BCO2: variants seen among roughly 807,000 people sequenced by gnomAD.
BCO2 encodes the protein beta-carotene oxygenase 2.
In BCO2, 56 loss-of-function variants were observed where a neutral mutation model predicts 65.8. The observed-to-expected ratio is 0.85, with a 90% CI of 0.69 to 1.06. The LOEUF (loss-of-function observed/expected upper bound fraction) is 1.06, where lower values mean the gene tolerates loss of function less well. BCO2 is among the 50% of genes least tolerant of loss of function. The pLI, the probability that BCO2 is intolerant of heterozygous loss-of-function variation, is 0.00. For missense variants in BCO2, 675 were observed against 698.5 expected, an observed-to-expected ratio of 0.97 and a Z score of 0.38; for synonymous variants, 233 against 242.3, an observed-to-expected ratio of 0.96 and a Z score of 0.36.
chr11:112,207,648 T>C (rs999211650), intron 8 of BCO2, among the ~76,000 whole-genome samples: 12 of 152,246 alleles, frequency 7.9e-5, no homozygotes, highest in Non-Finnish European at 2.9e-5. Flanking sequence ...CACGTTTTTG[T>C]AGAAATTTTA....
chr11:112,181,827 G>T, intron 2 of BCO2: 1 of 941,566 alleles, frequency 1.1e-6, no homozygotes. Context: ...CTGTAATCTT[G>T]CACATGCAAA....
chr11:112,191,933 C>T (rs2135366129), intron 2 of BCO2, among the ~76,000 whole-genome samples: 1 of 152,166 alleles, frequency 6.6e-6, no homozygotes. Context: ...ATACATATAA[C>T]ATAAAATTTA....
intron 4 of BCO2, chr11:112,194,385 A>T (rs1053571249): frequency 2.3e-6 from 1 of 440,792 alleles, no homozygotes; most frequent in African/African-American, 2.1e-5. Context: ...TTTAATTCTT[A>T]TGCTTCTTTT....
Position 112,179,459 on chromosome 11 carries a change from G to C in BCO2, c.270G>C (p.Gly90=). 5 of 1,614,152 alleles carry C rather than the reference G, an allele frequency of 3.1e-6. No individual in the cohort carries two copies. Among genetic ancestry groups the C allele is most frequent in the Non-Finnish European group, 4.2e-6 (5 of 1,180,028 alleles). The stretch of plus-strand genomic sequence containing the variant: ...GCTCTCTACTTCGAATTGGACCTGG[G>C]AAATTCGAGTTTGGGAAGGATAAGT... ...LNGSLLRIGP[G]KFEFGKDKYN... Residue 90 remains glycine (G), a synonymous_variant, in exon 2 of 12, where the codon GGG becomes GGC. Transcript: ENST00000357685.
At chr11:112,192,902 A>G (rs917855223) in intron 2 of BCO2, among the ~76,000 whole-genome samples, 10 of 76,926 alleles carry the variant, frequency 1.3e-4, no homozygotes, top group Admixed American at 4.8e-4. Flanking sequence ...ATTCACCACA[A>G]TAGGGGTTTT....
intron 10 of BCO2, chr11:112,216,005 G>C: frequency 1.8e-6 from 1 of 549,634 alleles, no homozygotes; most frequent in South Asian, 2.2e-5. Flanking sequence ...CAAGGGGATG[G>C]TGCTAAGCTA....
chr11:112,201,511 A>T (rs918454645), intron 7 of BCO2, among the ~76,000 whole-genome samples: 1 of 152,142 alleles, frequency 6.6e-6, no homozygotes, highest in Non-Finnish European at 1.5e-5. Flanking sequence ...ATGTTGATTG[A>T]ATATCTTTTT....
intron 1 of BCO2, among the ~76,000 whole-genome samples, chr11:112,178,229 A>T (rs1367338480): frequency 6.6e-6 from 1 of 152,106 alleles, no homozygotes; most frequent in Non-Finnish European, 1.5e-5. Flanking sequence ...TTTTCTTAGA[A>T]CTAGAGAAAA....
chr11:112,179,520 G>T, intron 2 of BCO2, 38 bp downstream of exon 2: 1 of 1,567,334 alleles, frequency 6.4e-7, no homozygotes. Context: ...GGATTTCTTG[G>T]CATGGGCTGG....
In BCO2 at chr11:112,194,666, A is replaced by G; in HGVS notation, c.647A>G (p.Lys216Arg). Residue 216 changes from lysine (K) to arginine (R), a missense_variant, in exon 5 of 12, where the codon AAA (lysine) becomes AGA (arginine). Lys to Arg is a conservative substitution (Grantham distance 26). Coordinates refer to ENST00000357685, the MANE Select transcript of BCO2 (RefSeq NM_031938.7). Reference sequence around the variant, plus strand: ...TCAAATTTGCAGGTAGATTGGAGCAAATTTATTGCTGTGAATGGAGCAACT... The same window carrying G: ...TCAAATTTGCAGGTAGATTGGAGCAGATTTATTGCTGTGAATGGAGCAACT... The part of the protein sequence containing the change: ...LEKTEKVDWS[K>R]FIAVNGATAH... 1 of 1,612,488 alleles carries G rather than the reference A, an allele frequency of 6.2e-7. No individual in the cohort carries two copies. Among genetic ancestry groups the G allele is most frequent in the Non-Finnish European group, 8.5e-7 (1 of 1,178,958 alleles).
At chr11:112,180,442 T>C (rs1482963640) in intron 2 of BCO2, among the ~76,000 whole-genome samples, 1 of 152,178 alleles carries the variant, frequency 6.6e-6, no homozygotes, top group African/African-American at 2.4e-5. Flanking sequence ...TAGAATGTAA[T>C]TTGATGAGGG....
At chr11:112,215,570 G>A (rs542003279) in intron 10 of BCO2, 47 of 153,652 alleles carry the variant, frequency 3.1e-4, no homozygotes, top group Middle Eastern at 3.4e-3. Flanking sequence ...TTAGCTGGGC[G>A]TGGTGGCACA....
At chr11:112,211,193 G>A (rs2518354) in intron 8 of BCO2, among the ~76,000 whole-genome samples, 151,166 of 152,272 alleles carry the variant, frequency 0.99, 75,044 homozygotes, top group Middle Eastern at 1. Flanking sequence ...TGTAAGTGGG[G>A]TCATACAATA....
intron 2 of BCO2, chr11:112,181,123 C>T: frequency 1.4e-6 from 2 of 1,454,284 alleles, no homozygotes; most frequent in Non-Finnish European, 1.9e-6. Flanking sequence ...GTATGCTGGC[C>T]CACATGTTTA....
intron 2 of BCO2, among the ~76,000 whole-genome samples, chr11:112,183,965 T>C (rs985339972): frequency 2.6e-5 from 4 of 152,198 alleles, no homozygotes; most frequent in African/African-American, 9.6e-5. Context: ...TCTAGGCAAG[T>C]TCCACTGAAC....
Position 112,218,398 on chromosome 11 carries a change from G to A in BCO2, c.*524G>A. 1 of 174,252 alleles carries A rather than the reference G, an allele frequency of 5.7e-6. No homozygotes were observed. Among genetic ancestry groups the A allele is most frequent in the Admixed American group, 5.8e-5 (1 of 17,108 alleles). 10.8% of individuals were successfully genotyped at this position (174,252 alleles called of 1,614,324 possible). A position where few individuals can be genotyped will look rare whatever the true frequency, so the allele number is the denominator to read the frequency against. On this transcript the variant is annotated 3_prime_UTR_variant, in exon 12 of 12. Coordinates refer to ENST00000357685, the MANE Select transcript of BCO2 (RefSeq NM_031938.7). The stretch of plus-strand genomic sequence containing the variant: ...TACTTTATAAGAGGTGCGGAAGACT[G>A]CCCTCACTCATCATGGCCTAGCATG...
At chr11:112,177,779 G>T (rs1866923293) in intron 1 of BCO2, among the ~76,000 whole-genome samples, 1 of 152,042 alleles carries the variant, frequency 6.6e-6, no homozygotes, top group South Asian at 2.1e-4. Context: ...TTAGGAGAGG[G>T]CATATTTGAA....
chr11:112,199,887 G>T, intron 6 of BCO2, 60 bp downstream of exon 6: 1 of 1,569,690 alleles, frequency 6.4e-7, no homozygotes. Context: ...TGTAGCAGAA[G>T]GACTAGTCTG....
intron 2 of BCO2, among the ~76,000 whole-genome samples, chr11:112,187,272 G>T (rs1214888667): frequency 2.0e-5 from 3 of 151,952 alleles, no homozygotes; most frequent in Admixed American, 2.0e-4. Flanking sequence ...TCAACACCAC[G>T]CTCACTTCCT....
Sources: gnomAD v4.1 joint callset for allele counts (sites outside exome capture counted in the v4.1 genomes callset) on GRCh38, gnomAD v4.1.1 for gene constraint, MANE v1.5 for transcripts, NCBI Gene and HGNC (gene_info 2026-07-23, HGNC 2026-07-21) for gene names.